Variants in UGT2B17 observed in about 807,000 individuals in gnomAD.
The protein encoded by UGT2B17 is UDP glucuronosyltransferase family 2 member B17, also known as UDP-glucuronosyltransferase 2B17.
A neutral mutation model predicts 48.2 loss-of-function variants in UGT2B17; 21 were observed. The ratio of observed to expected loss-of-function variants is 0.44; its 90% confidence interval spans 0.31 to 0.63. UGT2B17 has a LOEUF of 0.63. Ranked by LOEUF, UGT2B17 falls within the 20% of genes least tolerant of loss-of-function variation. The pLI is 0.08. For synonymous variants in UGT2B17, 146 were observed against 238.4 expected (o/e 0.61, Z 3.57); for missense variants, 402 against 696.1 (o/e 0.58, Z 4.75).
rs1373789299 is a variant in UGT2B17 at position 68,566,022 on chromosome 4, TAA to T, written c.725-304_725-303del. Among the ~76,000 whole-genome samples, 10 of 118,896 alleles carry T rather than the reference TAA, an allele frequency of 8.4e-5. 2 individuals are homozygous for T. The highest frequency in any genetic ancestry group is 1.6e-4 in the Non-Finnish European group (9 of 57,824). 78.0% of individuals were successfully genotyped at this position (118,896 alleles called of 152,430 possible). ...TTAATTTTTAATTTTTAATATTTAA[TAA>T]AGTTTAATATTTAATATTAATAAAA... On this transcript the variant is annotated intron_variant, in intron 2 of 6. Coordinates refer to ENST00000317746, the MANE Select transcript of UGT2B17 (RefSeq NM_001077.4).
At chr4:68,538,877 A>G (rs1312175188) in intron 6 of UGT2B17, among the ~76,000 whole-genome samples, 1 of 125,006 alleles carries the variant, frequency 8.0e-6, no homozygotes, top group Non-Finnish European at 1.7e-5. Flanking sequence ...GCCCGTTTAC[A>G]CCTTTTGTTC....
chr4:68,575,212 T>A (rs1731353799), intron 1 of UGT2B17, among the ~76,000 whole-genome samples: 1 of 102,912 alleles, frequency 9.7e-6, no homozygotes, highest in Admixed American at 1.0e-4. Flanking sequence ...TCTCTGCTGG[T>A]CTTTCCTTGC....
Position 68,543,302 on chromosome 4 carries a change from C to T in UGT2B17, c.1314-5398G>A, listed in dbSNP as rs1321771089. Among the ~76,000 whole-genome samples the T allele has an allele frequency of 2.4e-5, 3 of 125,434 alleles. 1 individual carries two copies. Among genetic ancestry groups the T allele is most frequent in the Non-Finnish European group, 3.4e-5 (2 of 59,338 alleles). The allele number at this position is 125,434 out of a possible 152,430, so 82.3% of individuals were successfully genotyped here. On this transcript the variant is annotated intron_variant, in intron 6 of 6. Transcript: ENST00000317746. ...CTAATATCCACTGTTCTGCAGTGTC[C>T]GCTGCTGATACCCAGGCAAACAGGA...
intron 6 of UGT2B17, among the ~76,000 whole-genome samples, chr4:68,538,839 T>C (rs1278380386): frequency 7.9e-6 from 1 of 126,100 alleles, no homozygotes; most frequent in Admixed American, 8.2e-5. Context: ...CTGTTGTTCT[T>C]TAAACTCCTG....
rs1730576864 is a variant in UGT2B17, at chr4:68,537,620, T to C, written c.*5A>G. The C allele has an allele frequency of 2.2e-6, 3 of 1,354,204 alleles. No homozygotes were observed. The highest frequency in any genetic ancestry group is 1.9e-6 in the Non-Finnish European group (2 of 1,040,440). The allele number at this position is 1,354,204 out of a possible 1,614,324, so 83.9% of individuals were successfully genotyped here. A position where few individuals can be genotyped will look rare whatever the true frequency, so the allele number is the denominator to read the frequency against. ...TGGTCATTCCACTTCAGGCTTTTGA[T>C]ATAACTAATCCCTTTTCTTCTTCTT... On this transcript the variant is annotated 3_prime_UTR_variant, in exon 7 of 7. Coordinates refer to ENST00000317746, the MANE Select transcript of UGT2B17 (RefSeq NM_001077.4).
At position 68,575,188 on chromosome 4, in the gene UGT2B17, C is replaced by CT. The variant is rs559097531; in HGVS notation, c.-65+762dup. The stretch of plus-strand genomic sequence containing the variant: ...TTTACTTAGAATTGGTATAGATGGC[C>CT]TTTTTTTTTTTTTTCTCTGCTGGTC... On this transcript the variant is annotated intron_variant, in intron 1 of 6. Transcript: ENST00000317746. Among the ~76,000 whole-genome samples, 168 of 81,874 alleles carry CT rather than the reference C, an allele frequency of 2.1e-3. 13 individuals are homozygous for CT. The highest frequency in any genetic ancestry group is 2.5e-3 in the African/African-American group (55 of 22,274). The allele number at this position is 81,874 out of a possible 152,430, so 53.7% of individuals were successfully genotyped here.
rs1363711518 is a variant in UGT2B17 at position 68,573,866 on chromosome 4, A to T, written c.-65+2085T>A. On this transcript the variant is annotated intron_variant, in intron 1 of 6. Coordinates refer to ENST00000317746, the MANE Select transcript of UGT2B17 (RefSeq NM_001077.4). Reference sequence around the variant, plus strand: ...GCCGTGAGAGACAGGAAGTGAACTTAGTGTTGAGAGACAGAAGCTGGATGG... The same window carrying T: ...GCCGTGAGAGACAGGAAGTGAACTTTGTGTTGAGAGACAGAAGCTGGATGG... 1.6e-5 allele frequency among the ~76,000 whole-genome samples: 2 copies of T among 126,876 alleles called. 1 individual carries two copies. The highest frequency in any genetic ancestry group is 3.3e-5 in the Non-Finnish European group (2 of 59,720). 83.2% of individuals were successfully genotyped at this position (126,876 alleles called of 152,430 possible).
intron 1 of UGT2B17, among the ~76,000 whole-genome samples, chr4:68,574,630 TA>T (rs1731341979): frequency 7.9e-6 from 1 of 127,166 alleles, no homozygotes; most frequent in South Asian, 3.5e-4. Flanking sequence ...TTTGACTTTT[TA>T]ATGTAGGTAA....
In UGT2B17 at chr4:68,568,691, C is replaced by A. The variant is rs1731251188; in HGVS notation, c.-64-143G>T. On this transcript the variant is annotated intron_variant, in intron 1 of 6. Coordinates refer to ENST00000317746, the MANE Select transcript of UGT2B17 (RefSeq NM_001077.4). ...TTTATGACCTAGAATACGTAAGTAACCTGTCTTATGTAATTATTTTATAAT... is the reference window on the plus strand; with the variant it reads ...TTTATGACCTAGAATACGTAAGTAAACTGTCTTATGTAATTATTTTATAAT... Among the ~76,000 whole-genome samples the A allele has an allele frequency of 1.6e-5, 2 of 126,778 alleles. 1 individual carries two copies. 83.2% of individuals were successfully genotyped at this position (126,778 alleles called of 152,430 possible).
rs1229186481 is a variant in UGT2B17 at position 68,545,972 on chromosome 4, C to T, written c.1313+4705G>A. Reference sequence around the variant, plus strand: ...AAAAAAGTCCAGGACCAGATGGATTCACAGCTGAATTCTACCAGAGGTACA... The same window carrying T: ...AAAAAAGTCCAGGACCAGATGGATTTACAGCTGAATTCTACCAGAGGTACA... On this transcript the variant is annotated intron_variant, in intron 6 of 6. Transcript: ENST00000317746. Among the ~76,000 whole-genome samples, 6 of 125,906 alleles carry T rather than the reference C, an allele frequency of 4.8e-5. 3 individuals carry two copies. The highest frequency in any genetic ancestry group is 1.6e-4 in the African/African-American group (6 of 36,794). The allele number at this position is 125,906 out of a possible 152,430, so 82.6% of individuals were successfully genotyped here. A position where few individuals can be genotyped will look rare whatever the true frequency, so the allele number is the denominator to read the frequency against.
At chr4:68,538,329 G>A (rs1179713477) in intron 6 of UGT2B17, among the ~76,000 whole-genome samples, 2 of 124,132 alleles carry the variant, frequency 1.6e-5, no homozygotes, top group Admixed American at 8.3e-5. Flanking sequence ...TTTCCGTTTC[G>A]GTCTCAGGTA....
At position 68,562,229 on chromosome 4, in the gene UGT2B17, C is replaced by T. The variant is rs1417678389; in HGVS notation, c.874-1561G>A. 8.0e-5 allele frequency among the ~76,000 whole-genome samples: 10 copies of T among 124,426 alleles called. 2 individuals carry two copies. The highest frequency in any genetic ancestry group is 2.5e-4 in the Admixed American group (3 of 12,024). The allele number at this position is 124,426 out of a possible 152,430, so 81.6% of individuals were successfully genotyped here. On this transcript the variant is annotated intron_variant, in intron 3 of 6. Transcript: ENST00000317746. Reference sequence around the variant, plus strand: ...CTCCCAGGTTCAAGCAATTCTCCTGCCTCAGCCTCCTGAGTAGCTGGGATT... The same window carrying T: ...CTCCCAGGTTCAAGCAATTCTCCTGTCTCAGCCTCCTGAGTAGCTGGGATT...
chr4:68,555,976 A>G lies in UGT2B17; in HGVS notation c.1006-4065T>C, dbSNP rs1272966847. 1.7e-5 allele frequency among the ~76,000 whole-genome samples: 2 copies of G among 117,524 alleles called. 1 individual carries two copies. The highest frequency in any genetic ancestry group is 3.6e-5 in the Non-Finnish European group (2 of 56,146). The allele number at this position is 117,524 out of a possible 152,430, so 77.1% of individuals were successfully genotyped here. A position where few individuals can be genotyped will look rare whatever the true frequency, so the allele number is the denominator to read the frequency against. Reference sequence around the variant, plus strand: ...TTGAAGAGAAATAATTTTATATGAGAAAGAATCTTGTGTGGTAAATTTAGT... The same window carrying G: ...TTGAAGAGAAATAATTTTATATGAGGAAGAATCTTGTGTGGTAAATTTAGT... On this transcript the variant is annotated intron_variant, in intron 4 of 6. Transcript: ENST00000317746.
At chr4:68,546,941 G>A (rs1730823548) in intron 6 of UGT2B17, among the ~76,000 whole-genome samples, 1 of 125,758 alleles carries the variant, frequency 8.0e-6, no homozygotes, top group Admixed American at 8.2e-5. Context: ...ACAAACCAAT[G>A]GAAGAACGTT....
intron 6 of UGT2B17, among the ~76,000 whole-genome samples, chr4:68,548,773 T>C (rs1294408576): frequency 8.0e-6 from 1 of 124,686 alleles, no homozygotes; most frequent in Non-Finnish European, 1.7e-5. Flanking sequence ...CAATTGCAAA[T>C]GGGAATTTAT....
chr4:68,571,789 T>C (rs1297544729), intron 1 of UGT2B17, among the ~76,000 whole-genome samples: 1 of 125,512 alleles, frequency 8.0e-6, no homozygotes, highest in African/African-American at 2.7e-5. Flanking sequence ...GTTAGGCTAA[T>C]TGCAAAAAGA....
At chr4:68,552,230 C>T (rs1462083021) in intron 4 of UGT2B17, among the ~76,000 whole-genome samples, 1 of 126,434 alleles carries the variant, frequency 7.9e-6, no homozygotes, top group Non-Finnish European at 1.7e-5. Flanking sequence ...CTGCTCAGGG[C>T]AAACCTACTT....
Position 68,576,139 on chromosome 4 carries a change from G to A in UGT2B17, c.-253C>T, listed in dbSNP as rs551380205. 2.7e-4 allele frequency among the ~76,000 whole-genome samples: 34 copies of A among 125,486 alleles called. 10 individuals are homozygous for A. In the South Asian group the frequency reaches 6.9e-3, roughly 26 times the overall value. The allele number at this position is 125,486 out of a possible 152,430, so 82.3% of individuals were successfully genotyped here. A position where few individuals can be genotyped will look rare whatever the true frequency, so the allele number is the denominator to read the frequency against. On this transcript the variant is annotated 5_prime_UTR_variant, in exon 1 of 7. Transcript: ENST00000317746. ...GAGTACCCCACAGGGATGCTCCACA[G>A]GGCAGGCTTAAGCCACCTAAGGGGC...
chr4:68,556,057 A>AAGTCC (rs1195989603), intron 4 of UGT2B17, among the ~76,000 whole-genome samples: 2 of 122,348 alleles, frequency 1.6e-5, no homozygotes, highest in Non-Finnish European at 3.4e-5. Context: ...ACAAACCAGA[A>AAGTCC]AGTCCAAACA....
Sources: allele counts gnomAD v4.1 joint callset (sites outside exome capture counted in the v4.1 genomes callset), GRCh38; gene constraint gnomAD v4.1.1; transcripts MANE v1.5; gene names NCBI Gene and HGNC (gene_info 2026-07-23, HGNC 2026-07-21).